AUH: variants seen among roughly 807,000 people sequenced by gnomAD.
The protein encoded by AUH is methylglutaconyl-CoA hydratase, mitochondrial.
A neutral mutation model predicts 42.3 loss-of-function variants in AUH; 29 were observed. The observed-to-expected ratio is 0.69, with a 90% confidence interval of 0.51 to 0.93. The LOEUF (loss-of-function observed/expected upper bound fraction) is 0.93, where lower values mean the gene tolerates loss of function less well. Ranked by LOEUF, AUH falls within the 40% of genes least tolerant of loss-of-function variation. AUH has a pLI of 0.00. For synonymous variants in AUH, 174 were observed against 166.4 expected (o/e 1.05, Z -0.35); for missense variants, 452 against 438.1 (o/e 1.03, Z -0.28).
chr9:91,314,164 C>T (rs548046082), intron 4 of AUH, among the ~76,000 whole-genome samples: 1 of 152,110 alleles, frequency 6.6e-6, no homozygotes, highest in South Asian at 2.1e-4. Flanking sequence ...ATTTTTCTCT[C>T]CCATCAAAGA....
In AUH at chr9:91,214,180, G is replaced by T; in HGVS notation, c.*168C>A. 1.6e-6 allele frequency: 1 copy of T among 642,086 alleles called. No homozygotes were observed. Among genetic ancestry groups the T allele is most frequent in the Non-Finnish European group, 2.8e-6 (1 of 354,698 alleles). 39.8% of individuals were successfully genotyped at this position (642,086 alleles called of 1,614,324 possible). A position where few individuals can be genotyped will look rare whatever the true frequency, so the allele number is the denominator to read the frequency against. On this transcript the variant is annotated 3_prime_UTR_variant, in exon 10 of 10. Coordinates refer to ENST00000375731, the MANE Select transcript of AUH (RefSeq NM_001698.3). Reference sequence around the variant, plus strand: ...GAATGAATATGACATTTACACATTTGAATGAAGTACACGGATGGGTCCATT... The same window carrying T: ...GAATGAATATGACATTTACACATTTTAATGAAGTACACGGATGGGTCCATT...
chr9:91,290,467 G>A (rs912040925), intron 6 of AUH, among the ~76,000 whole-genome samples: 5 of 152,098 alleles, frequency 3.3e-5, no homozygotes, highest in African/African-American at 1.2e-4. Context: ...GTAAGTACAT[G>A]GGAATATGTC....
chr9:91,297,911 ATT>A (rs1490273174), intron 5 of AUH, 71 bp downstream of exon 5: 6 of 1,213,112 alleles, frequency 4.9e-6, no homozygotes, highest in Non-Finnish European at 7.3e-6. Context: ...AGAATAAAAT[ATT>A]TAAAATTACC....
rs1303152469 is a variant in AUH at position 91,227,677 on chromosome 9, T to C, written c.656-6685A>G. 3.4e-3 allele frequency among the ~76,000 whole-genome samples: 505 copies of C among 147,546 alleles called. 11 individuals are homozygous for C. In the East Asian group the frequency reaches 0.043, roughly 13 times the overall value. On this transcript the variant is annotated intron_variant, in intron 6 of 9. Coordinates refer to ENST00000375731, the MANE Select transcript of AUH (RefSeq NM_001698.3). ...CAGTTTTTGCCCATTCAGTATGATATTGGCTGTGGGTTTGTCATAGATAGC... is the reference window on the plus strand; with the variant it reads ...CAGTTTTTGCCCATTCAGTATGATACTGGCTGTGGGTTTGTCATAGATAGC...
chr9:91,285,203 T>C (rs1420503997), intron 6 of AUH, among the ~76,000 whole-genome samples: 1 of 151,594 alleles, frequency 6.6e-6, no homozygotes, highest in Non-Finnish European at 1.5e-5. Flanking sequence ...AGCAAACTAT[T>C]GCAAGGACAA....
At chr9:91,324,390 C>T (rs59752488) in intron 4 of AUH, among the ~76,000 whole-genome samples, 3,830 of 151,980 alleles carry the variant, frequency 0.025, 75 homozygotes, top group East Asian at 0.066. Context: ...GTAGTCCTAA[C>T]CACTTAGGAG....
chr9:91,218,986 C>T, intron 7 of AUH: 1 of 985,438 alleles, frequency 1.0e-6, no homozygotes, highest in African/African-American at 1.7e-5. Flanking sequence ...TAACAATCAA[C>T]ATTCTGAAGG....
chr9:91,272,128 G>T (rs992636165), intron 6 of AUH, among the ~76,000 whole-genome samples: 1 of 152,268 alleles, frequency 6.6e-6, no homozygotes, highest in African/African-American at 2.4e-5. Context: ...TCTAAAAGCT[G>T]GTGCTCCTAC....
At chr9:91,249,229 T>G (rs1397574) in intron 6 of AUH, among the ~76,000 whole-genome samples, 1 of 144,828 alleles carries the variant, frequency 6.9e-6, no homozygotes, top group Non-Finnish European at 1.5e-5. Flanking sequence ...CCTGGGAGAT[T>G]GAGGCTGCAG....
intron 3 of AUH, among the ~76,000 whole-genome samples, chr9:91,341,360 T>C (rs943039721): frequency 4.6e-5 from 7 of 152,190 alleles, no homozygotes; most frequent in African/African-American, 1.7e-4. Flanking sequence ...AAGACATCCC[T>C]TGTGGTAGCA....
At chr9:91,322,988 C>G (rs1218914753) in intron 4 of AUH, among the ~76,000 whole-genome samples, 1 of 152,132 alleles carries the variant, frequency 6.6e-6, no homozygotes, top group Non-Finnish European at 1.5e-5. Flanking sequence ...AACTTTAATA[C>G]TTATTCTTGA....
intron 3 of AUH, among the ~76,000 whole-genome samples, chr9:91,336,872 G>A (rs1425911261): frequency 1.3e-5 from 2 of 152,082 alleles, no homozygotes; most frequent in Non-Finnish European, 2.9e-5. Flanking sequence ...ATTTAAAGAG[G>A]ACAGCCATAT....
intron 8 of AUH, 30 bp from the exon 9 acceptor site, chr9:91,216,136 A>T (rs1826806738): frequency 2.5e-6 from 4 of 1,604,152 alleles, no homozygotes; most frequent in Non-Finnish European, 2.6e-6. Flanking sequence ...CCATTTCAGC[A>T]GAAATAACTT....
intron 6 of AUH, among the ~76,000 whole-genome samples, chr9:91,244,573 A>G (rs1828694077): frequency 6.6e-6 from 1 of 152,186 alleles, no homozygotes; most frequent in African/African-American, 2.4e-5. Context: ...TTTCCTTCCC[A>G]TCCACATCTC....
At chr9:91,230,038 G>A (rs1365593560) in intron 6 of AUH, among the ~76,000 whole-genome samples, 1 of 151,168 alleles carries the variant, frequency 6.6e-6, no homozygotes, top group African/African-American at 2.4e-5. Flanking sequence ...ATGTGTCTTG[G>A]AGTTGCTCTT....
intron 5 of AUH, among the ~76,000 whole-genome samples, chr9:91,296,808 C>G (rs986428873): frequency 6.6e-6 from 1 of 152,122 alleles, no homozygotes; most frequent in Non-Finnish European, 1.5e-5. Context: ...GACTAGCAAC[C>G]AGAAATCCCA....
At chr9:91,255,735 T>C (rs543857040) in intron 6 of AUH, among the ~76,000 whole-genome samples, 1 of 152,318 alleles carries the variant, frequency 6.6e-6, no homozygotes, top group East Asian at 1.9e-4. Context: ...TACAAGTTAG[T>C]AGTCATAAAA....
intron 6 of AUH, among the ~76,000 whole-genome samples, chr9:91,268,576 G>A (rs1564049537): frequency 2.0e-5 from 3 of 152,022 alleles, no homozygotes; most frequent in Admixed American, 6.6e-5. Flanking sequence ...GACTACAGGC[G>A]CACGCTGCCA....
At chr9:91,216,864 A>G (rs1826850311) in intron 8 of AUH, among the ~76,000 whole-genome samples, 1 of 152,206 alleles carries the variant, frequency 6.6e-6, no homozygotes, top group Non-Finnish European at 1.5e-5. Context: ...GCCTCCTTGT[A>G]GAAGGCACAC....
Sources: gnomAD v4.1 joint callset for allele counts (sites outside exome capture counted in the v4.1 genomes callset) on GRCh38, gnomAD v4.1.1 for gene constraint, MANE v1.5 for transcripts, NCBI Gene and HGNC (gene_info 2026-07-23, HGNC 2026-07-21) for gene names.